The following CNTN4 variants were observed in gnomAD, a reference collection of about 807,000 sequenced individuals.
CNTN4 encodes contactin-4.
In CNTN4, 77 loss-of-function variants were observed where a neutral mutation model predicts 122.5. That is an observed-to-expected ratio of 0.63 (90% CI 0.52 to 0.76). The LOEUF is 0.76. CNTN4 is among the 30% of genes least tolerant of loss of function. The pLI, the probability that CNTN4 is intolerant of heterozygous loss-of-function variation, is 0.00. For missense variants in CNTN4, 1,256 were observed against 1,259.1 expected (o/e 1.00, Z 0.04); for synonymous variants, 512 against 447.0 (o/e 1.15, Z -1.83).
At chr3:2,357,322 T>C (rs1052056473) in intron 3 of CNTN4, among the ~76,000 whole-genome samples, 1 of 152,210 alleles carries the variant, frequency 6.6e-6, no homozygotes, top group African/African-American at 2.4e-5. Context: ...GGTTACTTGC[T>C]TAAGGACAAT....
chr3:2,570,368 G>A (rs888557583), intron 3 of CNTN4, among the ~76,000 whole-genome samples: 1 of 151,888 alleles, frequency 6.6e-6, no homozygotes, highest in Non-Finnish European at 1.5e-5. Flanking sequence ...TAAAGGTGGG[G>A]GTCTCGCTAT....
intron 2 of CNTN4, among the ~76,000 whole-genome samples, chr3:2,283,882 A>G (rs939768059): frequency 1.3e-5 from 2 of 152,108 alleles, no homozygotes; most frequent in East Asian, 3.9e-4. Context: ...TCTAATCTAC[A>G]AAAGCTAAAA....
intron 2 of CNTN4, among the ~76,000 whole-genome samples, chr3:2,170,018 C>G (rs992920361): frequency 2.0e-5 from 3 of 151,414 alleles, no homozygotes; most frequent in Non-Finnish European, 4.4e-5. Context: ...CTAATACTTG[C>G]AAGAATCAAA....
At chr3:2,280,757 C>T (rs186259147) in intron 2 of CNTN4, among the ~76,000 whole-genome samples, 1 of 152,268 alleles carries the variant, frequency 6.6e-6, no homozygotes, top group East Asian at 1.9e-4. Context: ...AAGTTTTGTA[C>T]CTATAGCTCC....
At chr3:2,619,516 A>G (rs550011330) in intron 4 of CNTN4, among the ~76,000 whole-genome samples, 1 of 152,210 alleles carries the variant, frequency 6.6e-6, no homozygotes, top group Non-Finnish European at 1.5e-5. Flanking sequence ...GTTATCTCTT[A>G]GAGTCTTTCA....
At chr3:2,532,891 T>A (rs2077650714) in intron 3 of CNTN4, among the ~76,000 whole-genome samples, 1 of 152,074 alleles carries the variant, frequency 6.6e-6, no homozygotes, top group Middle Eastern at 3.2e-3. Flanking sequence ...GGAAAAGAGA[T>A]TATATTTTAC....
rs966562682 is a variant in CNTN4 at position 2,940,041 on chromosome 3, C to T, written c.1358+14262C>T. On this transcript the variant is annotated intron_variant, in intron 13 of 24. Coordinates refer to ENST00000418658, the MANE Select transcript of CNTN4 (RefSeq NM_175607.3). ...GGCATATGCAGCTCAGAGTTGGCCA[C>T]GCCAGTTTAAAGTCCCTGGGACAGA... Among the ~76,000 whole-genome samples, 5 of 152,158 alleles carry T rather than the reference C, an allele frequency of 3.3e-5. No homozygotes were observed. The South Asian group carries it at 6.2e-4, about 19-fold the overall frequency.
At chr3:2,558,180 T>G (rs964147309) in intron 3 of CNTN4, among the ~76,000 whole-genome samples, 2 of 152,218 alleles carry the variant, frequency 1.3e-5, no homozygotes, top group Non-Finnish European at 2.9e-5. Context: ...CCCATCACTC[T>G]GATTCTACTA....
Position 2,587,814 on chromosome 3 carries a change from C to G in CNTN4, c.55+16256C>G, listed in dbSNP as rs148260962. ...TTAGAAATTGCTTTTGAGTTTTAGT[C>G]TTTTTCTTTCTTTCTTTTTTTTCTT... On this transcript the variant is annotated intron_variant, in intron 4 of 24. Coordinates refer to ENST00000418658, the MANE Select transcript of CNTN4 (RefSeq NM_175607.3). 2.6e-4 allele frequency among the ~76,000 whole-genome samples: 40 copies of G among 151,674 alleles called. 1 individual carries two copies. The East Asian group carries it at 7.6e-3, about 29-fold the overall frequency.
In CNTN4 at chr3:2,574,610, A is replaced by C. The variant is rs914021926; in HGVS notation, c.55+3052A>C. On this transcript the variant is annotated intron_variant, in intron 4 of 24. Coordinates refer to ENST00000418658, the MANE Select transcript of CNTN4 (RefSeq NM_175607.3). ...GCCAGTAATCTAAAAGTTCAGCCAC[A>C]ATGAAAATTGGCTTCATTATTCTTC... Among the ~76,000 whole-genome samples the C allele has an allele frequency of 2.0e-5, 3 of 152,184 alleles. No homozygotes were observed. In the South Asian group the frequency reaches 6.2e-4, roughly 31 times the overall value.
intron 2 of CNTN4, among the ~76,000 whole-genome samples, chr3:2,267,195 A>T (rs1367858343): frequency 1.3e-5 from 2 of 152,120 alleles, no homozygotes; most frequent in Non-Finnish European, 2.9e-5. Flanking sequence ...TCAGCCACTG[A>T]AAGAACTATT....
intron 4 of CNTN4, among the ~76,000 whole-genome samples, chr3:2,710,088 A>C (rs183914149): frequency 7.0e-4 from 106 of 152,290 alleles, no homozygotes; most frequent in African/African-American, 2.3e-3. Flanking sequence ...ATTAGTTCGA[A>C]CCACAGTTAG....
chr3:2,161,289 G>A (rs2035957700), intron 2 of CNTN4, among the ~76,000 whole-genome samples: 2 of 152,054 alleles, frequency 1.3e-5, no homozygotes, highest in African/African-American at 2.4e-5. Context: ...TTTCTGGGCT[G>A]CATTATAAGA....
chr3:2,635,682 T>C (rs938386384), intron 4 of CNTN4, among the ~76,000 whole-genome samples: 1 of 152,230 alleles, frequency 6.6e-6, no homozygotes, highest in African/African-American at 2.4e-5. Context: ...TGTTCAGAGC[T>C]TGCTCTTGGA....
In CNTN4 at chr3:2,633,544, C is replaced by T. The variant is rs576656222; in HGVS notation, c.55+61986C>T. 2.2e-4 allele frequency among the ~76,000 whole-genome samples: 34 copies of T among 152,222 alleles called. No individual in the cohort carries two copies. In the South Asian group the frequency reaches 7.0e-3, roughly 32 times the overall value. On this transcript the variant is annotated intron_variant, in intron 4 of 24. Coordinates refer to ENST00000418658, the MANE Select transcript of CNTN4 (RefSeq NM_175607.3). ...GTCAAGCTTGATTTGGGGCTTAAAT[C>T]CATTGTGAAAATGCAGTAGATCTTT... is the stretch of plus-strand genomic sequence containing the variant.
chr3:2,490,875 A>G (rs1373875464), intron 3 of CNTN4, among the ~76,000 whole-genome samples: 3 of 152,108 alleles, frequency 2.0e-5, no homozygotes, highest in Admixed American at 2.0e-4. Flanking sequence ...CACAGAAATT[A>G]TTTCTTAGTT....
chr3:2,895,771 A>C (rs181615229), intron 10 of CNTN4, among the ~76,000 whole-genome samples: 3,840 of 152,316 alleles, frequency 0.025, 63 homozygotes, highest in Non-Finnish European at 0.041. Context: ...GCAGTGGCTC[A>C]CGCCTGTCAT....
chr3:2,665,176 T>C (rs1021106805), intron 4 of CNTN4, among the ~76,000 whole-genome samples: 2 of 152,230 alleles, frequency 1.3e-5, no homozygotes, highest in African/African-American at 4.8e-5. Context: ...GATTTGTTAA[T>C]GTTGCAAATA....
chr3:2,167,878 A>G (rs57816465), intron 2 of CNTN4, among the ~76,000 whole-genome samples: 2,164 of 152,304 alleles, frequency 0.014, 44 homozygotes, highest in African/African-American at 0.048. Context: ...TTTCAAGACC[A>G]GGCATGGTGG....
Sources: gnomAD v4.1 joint callset for allele counts (sites outside exome capture counted in the v4.1 genomes callset) on GRCh38, gnomAD v4.1.1 for gene constraint, MANE v1.5 for transcripts, NCBI Gene and HGNC (gene_info 2026-07-23, HGNC 2026-07-21) for gene names.